The following PSMA3 variants were observed in gnomAD, a reference collection of about 807,000 sequenced individuals.
PSMA3 encodes the protein proteasome 20S subunit alpha 3.
PSMA3 carries 8 observed loss-of-function variants against 40.0 expected under a neutral mutation model. That is an observed-to-expected ratio of 0.20 (90% CI 0.12 to 0.36). PSMA3 has a LOEUF of 0.36. Among genes scored for constraint, PSMA3 ranks in the 10% least tolerant of loss-of-function variants. The pLI is 1.00. For missense variants in PSMA3, 219 were observed against 310.6 expected, an observed-to-expected ratio of 0.70 and a Z score of 2.22; for synonymous variants, 110 against 100.0, an observed-to-expected ratio of 1.10 and a Z score of -0.59.
intron 8 of PSMA3, chr14:58,269,907 TAGTG>T (rs1442922363): frequency 1.3e-5 from 2 of 152,874 alleles, no homozygotes; most frequent in Admixed American, 1.3e-4. Context: ...TGGAGTGCAG[TAGTG>T]TGATCTTGGC....
intron 2 of PSMA3, among the ~76,000 whole-genome samples, chr14:58,248,415 A>G (rs1371882169): frequency 6.6e-6 from 1 of 151,898 alleles, no homozygotes; most frequent in Non-Finnish European, 1.5e-5. Flanking sequence ...TTTTTAGTAG[A>G]GACGGGGTTT....
intron 3 of PSMA3, among the ~76,000 whole-genome samples, chr14:58,255,852 C>CTGTTTT (rs752930955): frequency 3.2e-4 from 48 of 152,246 alleles, no homozygotes; most frequent in African/African-American, 7.5e-4. Flanking sequence ...AACTGCAATT[C>CTGTTTT]TGTTTTTGTT....
At chr14:58,254,392 C>CAG (rs1594825932) in intron 3 of PSMA3, among the ~76,000 whole-genome samples, 1 of 89,854 alleles carries the variant, frequency 1.1e-5, no homozygotes, top group East Asian at 3.3e-4. Context: ...GGCTTGAGTG[C>CAG]AGTGGCATGA....
chr14:58,270,814 G>A lies in PSMA3; in HGVS notation c.659-120G>A, dbSNP rs148275109. 13 of 896,348 alleles carry A rather than the reference G, an allele frequency of 1.5e-5. No individual in the cohort carries two copies. In the East Asian group the frequency reaches 3.4e-4, roughly 24 times the overall value. 55.5% of individuals were successfully genotyped at this position (896,348 alleles called of 1,614,324 possible). On this transcript the variant is annotated intron_variant, in intron 9 of 10. Transcript: ENST00000216455. ...CAAAAATATTCGAGTATTACTCATA[G>A]TACAACTTTGCAACCTTAGGTGAGT... is the stretch of plus-strand genomic sequence containing the variant.
chr14:58,269,387 A>G lies in PSMA3; in HGVS notation c.591-1031A>G, dbSNP rs910868406. 1.3e-5 allele frequency among the ~76,000 whole-genome samples: 2 copies of G among 152,198 alleles called. 1 individual carries two copies. Among genetic ancestry groups the G allele is most frequent in the South Asian group, 4.1e-4 (2 of 4,820 alleles). Reference sequence around the variant, plus strand: ...TTAAAAAGACTACTGCCAAGAAGCTATAGGTTGAAGAGACCACTAATAATT... The same window carrying G: ...TTAAAAAGACTACTGCCAAGAAGCTGTAGGTTGAAGAGACCACTAATAATT... On this transcript the variant is annotated intron_variant, in intron 8 of 10. Transcript: ENST00000216455.
intron 7 of PSMA3, among the ~76,000 whole-genome samples, chr14:58,264,161 C>T (rs1463550167): frequency 2.0e-5 from 3 of 152,136 alleles, no homozygotes; most frequent in Admixed American, 2.0e-4. Flanking sequence ...AAAAACACAA[C>T]TTTTGATATG....
rs117530862 is a variant in PSMA3 at position 58,251,272 on chromosome 14, C to T, written c.105-847C>T. Among the ~76,000 whole-genome samples the T allele has an allele frequency of 1.9e-3, 288 of 152,310 alleles. 2 individuals are homozygous for T. Among genetic ancestry groups the T allele is most frequent in the South Asian group, 3.5e-3 (17 of 4,826 alleles). Reference sequence around the variant, plus strand: ...GAAATGGCAACAAGTAATTTCTCCACATTTTACTTGAGGTTGTGTGTGTGT... The same window carrying T: ...GAAATGGCAACAAGTAATTTCTCCATATTTTACTTGAGGTTGTGTGTGTGT... On this transcript the variant is annotated intron_variant, in intron 2 of 10. Coordinates refer to ENST00000216455, the MANE Select transcript of PSMA3 (RefSeq NM_002788.4).
intron 5 of PSMA3, among the ~76,000 whole-genome samples, chr14:58,258,999 A>G (rs1890209679): frequency 6.6e-6 from 1 of 152,158 alleles, no homozygotes; most frequent in Admixed American, 6.6e-5. Context: ...TGGTGCCATC[A>G]TGGCTGACTG....
chr14:58,250,481 T>C (rs1411796244), intron 2 of PSMA3, among the ~76,000 whole-genome samples: 5 of 148,044 alleles, frequency 3.4e-5, no homozygotes, highest in South Asian at 2.1e-4. Flanking sequence ...TTTTTGAAGG[T>C]TGACAGTGAG....
At chr14:58,248,898 C>T (rs1483083350) in intron 2 of PSMA3, among the ~76,000 whole-genome samples, 1 of 152,084 alleles carries the variant, frequency 6.6e-6, no homozygotes, top group Non-Finnish European at 1.5e-5. Flanking sequence ...GGCAGGTGGA[C>T]GTTGCAGTGA....
rs369311120 is a variant in PSMA3 at position 58,248,927 on chromosome 14, C to T, written c.104+1095C>T. Among the ~76,000 whole-genome samples, 15 of 152,286 alleles carry T rather than the reference C, an allele frequency of 9.8e-5. No homozygotes were observed. The East Asian group carries it at 2.5e-3, about 26-fold the overall frequency. The stretch of plus-strand genomic sequence containing the variant: ...GCAGTGAGCCAAGATTGCACCACTG[C>T]ACTCCAGCCTAAGCAACAGAGACTC... On this transcript the variant is annotated intron_variant, in intron 2 of 10. Transcript: ENST00000216455.
chr14:58,250,309 C>T (rs1220239099), intron 2 of PSMA3, among the ~76,000 whole-genome samples: 1 of 152,020 alleles, frequency 6.6e-6, no homozygotes, highest in Non-Finnish European at 1.5e-5. Flanking sequence ...TTCACTTGGG[C>T]CTTCCAAAGT....
chr14:58,268,225 T>C (rs1403988394), intron 8 of PSMA3: 1 of 152,136 alleles, frequency 6.6e-6, no homozygotes, highest in East Asian at 1.9e-4. Context: ...CAAAATACGT[T>C]GTGTAGCCAG....
chr14:58,245,321 T>A (rs908871977), intron 1 of PSMA3: 2 of 239,140 alleles, frequency 8.4e-6, no homozygotes, highest in Admixed American at 4.8e-5. Flanking sequence ...TTCCGGGGTC[T>A]GGAGATCGTG....
At chr14:58,259,257 A>G (rs534020716) in intron 5 of PSMA3, among the ~76,000 whole-genome samples, 1 of 151,740 alleles carries the variant, frequency 6.6e-6, no homozygotes, top group Non-Finnish European at 1.5e-5. Flanking sequence ...TAACTTCTCT[A>G]CTCTTTTTAA....
chr14:58,256,105 C>T (rs1015133874), intron 3 of PSMA3, among the ~76,000 whole-genome samples: 2 of 152,118 alleles, frequency 1.3e-5, no homozygotes, highest in Admixed American at 6.6e-5. Context: ...CCCCCTGCCT[C>T]GGCCTCCCAA....
chr14:58,256,722 C>CT (rs1223834559), intron 3 of PSMA3, among the ~76,000 whole-genome samples: 2 of 152,016 alleles, frequency 1.3e-5, no homozygotes, highest in African/African-American at 4.8e-5. Context: ...TGAGCATTTC[C>CT]TTTGAGTGTC....
At chr14:58,270,243 C>A in intron 8 of PSMA3, 175 bp from the exon 9 acceptor site, 1 of 883,470 alleles carries the variant, frequency 1.1e-6, no homozygotes, top group Non-Finnish European at 1.6e-6. Context: ...CATTTTATTT[C>A]AGTCCCTGTG....
chr14:58,260,843 G>A (rs1890261781), intron 5 of PSMA3, 105 bp from the exon 6 acceptor site: 5 of 733,380 alleles, frequency 6.8e-6, no homozygotes, highest in Non-Finnish European at 1.1e-5. Context: ...ATGTGTATTA[G>A]TAATTTATCT....
Sources: allele counts gnomAD v4.1 joint callset (sites outside exome capture counted in the v4.1 genomes callset), GRCh38; gene constraint gnomAD v4.1.1; transcripts MANE v1.5; gene names NCBI Gene and HGNC (gene_info 2026-07-23, HGNC 2026-07-21).